Variants in CADM2 observed in about 807,000 individuals in gnomAD.
CADM2 encodes the protein cell adhesion molecule 2, also known as immunoglobulin superfamily member 4D.
CADM2 carries 12 observed loss-of-function variants against 49.8 expected under a neutral mutation model. The observed-to-expected ratio is 0.24, with a 90% confidence interval of 0.15 to 0.39. CADM2 has a LOEUF of 0.39. CADM2 is among the 10% of genes least tolerant of loss of function. The pLI, the probability that CADM2 is intolerant of heterozygous loss-of-function variation, is 1.00. For synonymous variants in CADM2, 214 were observed against 175.4 expected (o/e 1.22, Z -1.74); for missense variants, 378 against 492.3 (o/e 0.77, Z 2.20).
intron 1 of CADM2, among the ~76,000 whole-genome samples, chr3:85,372,905 C>T (rs1207420086): frequency 2.0e-5 from 3 of 152,076 alleles, no homozygotes; most frequent in Non-Finnish European, 4.4e-5. Flanking sequence ...GAGAAACCTA[C>T]CCCCATGATT....
intron 1 of CADM2, among the ~76,000 whole-genome samples, chr3:85,078,426 A>G (rs1187731061): frequency 6.6e-6 from 1 of 151,956 alleles, no homozygotes; most frequent in Non-Finnish European, 1.5e-5. Context: ...CAAAGCAAAT[A>G]TATTTAATTT....
chr3:85,729,597 T>C (rs943785287), intron 2 of CADM2, among the ~76,000 whole-genome samples: 2 of 152,146 alleles, frequency 1.3e-5, no homozygotes, highest in Non-Finnish European at 2.9e-5. Context: ...TTTAATAAAA[T>C]GAATTAAGGT....
intron 1 of CADM2, among the ~76,000 whole-genome samples, chr3:85,595,641 T>A (rs1286271907): frequency 6.6e-6 from 1 of 152,026 alleles, no homozygotes; most frequent in Admixed American, 6.6e-5. Context: ...ATTATAATTG[T>A]CCAGTGTAGT....
intron 3 of CADM2, among the ~76,000 whole-genome samples, chr3:85,812,956 A>G (rs537424916): frequency 3.3e-5 from 5 of 152,210 alleles, no homozygotes; most frequent in African/African-American, 1.2e-4. Context: ...TCATTGATGG[A>G]CATTCGGGTT....
At chr3:85,654,500 CT>C (rs2107591662) in intron 1 of CADM2, among the ~76,000 whole-genome samples, 1 of 152,094 alleles carries the variant, frequency 6.6e-6, no homozygotes, top group East Asian at 1.9e-4. Context: ...TGAGTGTGCC[CT>C]TTTCTCAGTG....
At chr3:85,886,041 A>G (rs1466580124) in intron 4 of CADM2, 149 bp from the exon 5 acceptor site, 1 of 1,142,614 alleles carries the variant, frequency 8.8e-7, no homozygotes, top group African/African-American at 1.6e-5. Context: ...CACACATATG[A>G]AGCAGTTTAT....
chr3:86,021,318 C>A (rs1348632069), intron 8 of CADM2, among the ~76,000 whole-genome samples: 1 of 151,976 alleles, frequency 6.6e-6, no homozygotes, highest in Non-Finnish European at 1.5e-5. Context: ...TTTTTTGTAT[C>A]CATCCACTTC....
At chr3:85,914,622 A>G (rs985696144) in intron 6 of CADM2, among the ~76,000 whole-genome samples, 1 of 152,204 alleles carries the variant, frequency 6.6e-6, no homozygotes, top group African/African-American at 2.4e-5. Context: ...AATAAAAATC[A>G]GTCATAAGAA....
chr3:85,676,961 A>T lies in CADM2; in HGVS notation c.62-49561A>T, dbSNP rs143885472. 5.4e-4 allele frequency among the ~76,000 whole-genome samples: 82 copies of T among 152,266 alleles called. No homozygotes were observed. The East Asian group carries it at 0.015, about 28-fold the overall frequency. The stretch of plus-strand genomic sequence containing the variant: ...TTCTATATTTCATATAGGGTGCTAA[A>T]CTTTCATATAGGTTTATAGAACTTA... On this transcript the variant is annotated intron_variant, in intron 1 of 9. Transcript: ENST00000383699.
chr3:85,571,963 C>T (rs2062492041), intron 1 of CADM2, among the ~76,000 whole-genome samples: 1 of 152,128 alleles, frequency 6.6e-6, no homozygotes, highest in Non-Finnish European at 1.5e-5. Context: ...GGGCTAGTTA[C>T]ACAATTACTA....
At chr3:85,785,820 A>G (rs919341215) in intron 2 of CADM2, among the ~76,000 whole-genome samples, 1 of 152,060 alleles carries the variant, frequency 6.6e-6, no homozygotes, top group Admixed American at 6.6e-5. Context: ...ATTTTCTTGT[A>G]CAACTAAATC....
chr3:85,647,691 T>G (rs1230745791), intron 1 of CADM2, among the ~76,000 whole-genome samples: 1 of 151,808 alleles, frequency 6.6e-6, no homozygotes, highest in Non-Finnish European at 1.5e-5. Flanking sequence ...CAAAAAATAT[T>G]TTAGATGCAA....
intron 1 of CADM2, among the ~76,000 whole-genome samples, chr3:85,420,403 T>C (rs1163672508): frequency 1.3e-5 from 2 of 152,162 alleles, no homozygotes; most frequent in East Asian, 3.8e-4. Flanking sequence ...CATGAGAAAA[T>C]GACAAATGGG....
chr3:85,811,761 G>T (rs2072891355), intron 3 of CADM2, among the ~76,000 whole-genome samples: 1 of 151,918 alleles, frequency 6.6e-6, no homozygotes, highest in Admixed American at 6.6e-5. Context: ...CTCAGACTGA[G>T]TAGATAGTCA....
chr3:85,119,777 T>A (rs1429569395), intron 1 of CADM2, among the ~76,000 whole-genome samples: 1 of 152,170 alleles, frequency 6.6e-6, no homozygotes, highest in African/African-American at 2.4e-5. Context: ...GAATGGGAGT[T>A]CACTCATGAT....
intron 1 of CADM2, among the ~76,000 whole-genome samples, chr3:85,336,804 T>C (rs1440553445): frequency 1.3e-5 from 2 of 148,950 alleles, no homozygotes; most frequent in Admixed American, 1.3e-4. Context: ...ATTTTAAAGA[T>C]TTAATTTTTC....
chr3:86,005,767 T>C (rs992089298), intron 8 of CADM2, among the ~76,000 whole-genome samples: 1 of 152,152 alleles, frequency 6.6e-6, no homozygotes, highest in Non-Finnish European at 1.5e-5. Flanking sequence ...ACTATTGTGC[T>C]GTCAAATAGT....
intron 7 of CADM2, among the ~76,000 whole-genome samples, chr3:85,940,968 T>G (rs1721818418): frequency 6.6e-6 from 1 of 152,084 alleles, no homozygotes; most frequent in Non-Finnish European, 1.5e-5. Context: ...TGACATGCTA[T>G]ACCAAAATGT....
At chr3:85,177,955 A>G (rs992025196) in intron 1 of CADM2, among the ~76,000 whole-genome samples, 4 of 151,996 alleles carry the variant, frequency 2.6e-5, no homozygotes, top group Non-Finnish European at 5.9e-5. Flanking sequence ...TTGTACTTAC[A>G]TACAAAGTTT....
Sources: allele counts gnomAD v4.1 joint callset (sites outside exome capture counted in the v4.1 genomes callset), GRCh38; gene constraint gnomAD v4.1.1; transcripts MANE v1.5; gene names NCBI Gene and HGNC (gene_info 2026-07-23, HGNC 2026-07-21).